Variants in CDHR5 observed in about 807,000 individuals in gnomAD.
The protein encoded by CDHR5 is cadherin related family member 5, also known as cadherin-related family member 5.
In CDHR5, 82 loss-of-function variants were observed where a neutral mutation model predicts 69.5. The observed-to-expected ratio is 1.18, with a 90% CI of 0.99 to 1.42. CDHR5 has a LOEUF of 1.42. Ranked by LOEUF, CDHR5 falls within the 40% of genes most tolerant of loss-of-function variation. The pLI is 0.00. For synonymous variants in CDHR5, 601 were observed against 510.2 expected (o/e 1.18, Z -2.40); for missense variants, 1,293 against 1,168.9 (o/e 1.11, Z -1.55).
Position 619,361 on chromosome 11 carries a change from G to T in CDHR5, c.1323C>A (p.Gly441=). 6.2e-7 allele frequency: 1 copy of T among 1,613,698 alleles called. No homozygotes were observed. Reference sequence around the variant, plus strand: ...GTATCTCAATGACTGTGGTTGCGGTGCCAGAGGTCACCGTGTTGTGGGCCT... The same window carrying T: ...GTATCTCAATGACTGTGGTTGCGGTTCCAGAGGTCACCGTGTTGTGGGCCT... ...EVEAHNTVTS[G]TATTVIEIQV... The change falls in exon 12 of 15, where the codon GGC becomes GGA. Residue 441 remains glycine (G), a synonymous_variant. Coordinates refer to ENST00000397542, the MANE Select transcript of CDHR5 (RefSeq NM_021924.5).
Position 617,667 on chromosome 11 carries a change from G to A in CDHR5, c.2222C>T (p.Ala741Val). The A allele has an allele frequency of 6.7e-7, 1 of 1,501,184 alleles. No homozygotes were observed. The highest frequency in any genetic ancestry group is 8.8e-7 in the Non-Finnish European group (1 of 1,130,096). The allele number at this position is 1,501,184 out of a possible 1,614,324, so 93.0% of individuals were successfully genotyped here. The change falls in exon 15 of 15, where the codon GCA (alanine) becomes GTA (valine). Residue 741 changes from alanine to valine, a missense_variant. Coordinates refer to ENST00000397542, the MANE Select transcript of CDHR5 (RefSeq NM_021924.5). ...SPTHDPKPAEAPMPAEPAPPG... is the reference protein window; with the variant it reads ...SPTHDPKPAEVPMPAEPAPPG... ...GGGTGCGGGCTCTGCGGGCATCGGT[G>A]CCTCCGCGGGCTTGGGGTCGTGCGT...
At chr11:622,230 G>A (rs533893347) in intron 3 of CDHR5, among the ~76,000 whole-genome samples, 12 of 152,370 alleles carry the variant, frequency 7.9e-5, no homozygotes, top group East Asian at 1.9e-4. Context: ...AGCTCTAGGC[G>A]TTGGGATTCA....
Position 617,680 on chromosome 11 carries a change from T to C in CDHR5, c.2209A>G (p.Lys737Glu). 1.3e-6 allele frequency: 2 copies of C among 1,483,240 alleles called. No homozygotes were observed. Among genetic ancestry groups the C allele is most frequent in the Non-Finnish European group, 1.8e-6 (2 of 1,123,186 alleles). 91.9% of individuals were successfully genotyped at this position (1,483,240 alleles called of 1,614,324 possible). ...GCGGGCATCGGTGCCTCCGCGGGCT[T>C]GGGGTCGTGCGTGGGGCTGGGGACG... ...APVPSPTHDP[K>E]PAEAPMPAEP... The change falls in exon 15 of 15, where the codon AAG (lysine) becomes GAG (glutamate). Residue 737 changes from lysine (K) to glutamate (E), a missense_variant. Transcript: ENST00000397542.
chr11:620,974 C>T (rs991036243), intron 7 of CDHR5, 106 bp downstream of exon 7: 1 of 732,494 alleles, frequency 1.4e-6, no homozygotes, highest in Admixed American at 3.3e-5. Flanking sequence ...AAATCGGCCC[C>T]ACCCCCTGAC....
intron 13 of CDHR5, among the ~76,000 whole-genome samples, 181 bp from the exon 14 acceptor site, chr11:618,292 A>C: frequency 6.6e-6 from 1 of 151,022 alleles, no homozygotes; most frequent in Non-Finnish European, 1.5e-5. Flanking sequence ...GACCCTGCCC[A>C]CCCCCTCCCC....
At position 621,795 on chromosome 11, in the gene CDHR5, G is replaced by A. The variant is rs12801890; in HGVS notation, c.405+17C>T. ...CCACACCCCCGTGCCCAGTCCCCGCGGCTTCGCTGGCCTCACCTCCTCCAC... is the reference window on the plus strand; with the variant it reads ...CCACACCCCCGTGCCCAGTCCCCGCAGCTTCGCTGGCCTCACCTCCTCCAC... On this transcript the variant is annotated intron_variant, in intron 4 of 14. Coordinates refer to ENST00000397542, the MANE Select transcript of CDHR5 (RefSeq NM_021924.5). This position sits in a 1 kb window ranked among gnomAD's most constrained non-coding sequence, Gnocchi z 4.4. 353,637 of 1,607,344 alleles carry A rather than the reference G, an allele frequency of 0.22. 41,161 individuals carry two copies. The highest frequency in any genetic ancestry group is 0.29 in the African/African-American group (21,945 of 74,800).
At position 619,364 on chromosome 11, in the gene CDHR5, A is replaced by G. The variant is rs1431010320; in HGVS notation, c.1320T>C (p.Ser440=). Reference sequence around the variant, plus strand: ...TCTCAATGACTGTGGTTGCGGTGCCAGAGGTCACCGTGTTGTGGGCCTCAA... The same window carrying G: ...TCTCAATGACTGTGGTTGCGGTGCCGGAGGTCACCGTGTTGTGGGCCTCAA... ...AEVEAHNTVT[S]GTATTVIEIQ... is the part of the protein sequence containing the mutation. Residue 440 remains serine, a synonymous_variant, in exon 12 of 15, where the codon TCT becomes TCC. Transcript: ENST00000397542. The G allele has an allele frequency of 6.2e-7, 1 of 1,613,628 alleles. No individual in the cohort carries two copies. The highest frequency in any genetic ancestry group is 8.5e-7 in the Non-Finnish European group (1 of 1,179,814).
Position 619,768 on chromosome 11 carries a change from CGCCACGGT to C in CDHR5, c.1084_1091del (p.Thr362AlafsTer69), listed in dbSNP as rs768179195. On this transcript the variant is annotated frameshift_variant, in exon 10 of 15. Transcript: ENST00000397542. LOFTEE classifies it high-confidence loss of function. ...CCACAACGCCCGCTCCAGCGCCACG[CGCCACGGT>C]GCCACGATACAGTCTCTGGGGGAAG... The C allele has an allele frequency of 6.2e-7, 1 of 1,610,986 alleles. No individual in the cohort carries two copies. The highest frequency in any genetic ancestry group is 8.5e-7 in the Non-Finnish European group (1 of 1,179,856).
chr11:620,035 T>C (rs1355374127), intron 9 of CDHR5, 32 bp downstream of exon 9: 1 of 1,066,920 alleles, frequency 9.4e-7, no homozygotes, highest in South Asian at 1.3e-5. Flanking sequence ...CTTCCCCCTC[T>C]GCCCTGCCCC....
At position 617,518 on chromosome 11, in the gene CDHR5, C is replaced by G. The variant is rs1374650291; in HGVS notation, c.2371G>C (p.Val791Leu). The G allele has an allele frequency of 1.2e-6, 2 of 1,612,568 alleles. No homozygotes were observed. The highest frequency in any genetic ancestry group is 2.7e-5 in the African/African-American group (2 of 74,916). ...ERRPEGGYKA[V>L]WFGEDIGTEA... ...GTCCCGATGTCCTCGCCAAACCAGACAGCCTTGTACCCGCCCTCCGGCCGC... is the reference window on the plus strand; with the variant it reads ...GTCCCGATGTCCTCGCCAAACCAGAGAGCCTTGTACCCGCCCTCCGGCCGC... The change falls in exon 15 of 15, where the codon GTC (valine) becomes CTC (leucine). Residue 791 changes from valine to leucine, a missense_variant. Coordinates refer to ENST00000397542, the MANE Select transcript of CDHR5 (RefSeq NM_021924.5).
intron 13 of CDHR5, among the ~76,000 whole-genome samples, 168 bp from the exon 14 acceptor site, chr11:618,279 C>T (rs376109997): frequency 3.3e-4 from 50 of 152,320 alleles, no homozygotes; most frequent in African/African-American, 1.0e-3. Context: ...TGTGTCCCAT[C>T]GAGACCCTGC....
At chr11:622,044 C>T (rs61879160) in intron 3 of CDHR5, 140 bp from the exon 4 acceptor site, 69,416 of 639,614 alleles carry the variant, frequency 0.11, 4,800 homozygotes, top group Admixed American at 0.17. Flanking sequence ...GTGCACCCCT[C>T]GACGGCCACC....
At position 620,132 on chromosome 11, in the gene CDHR5, C is replaced by G. The variant is rs779477988; in HGVS notation, c.913G>C (p.Asp305His). ...CTGGCCACGGTGAGGTTGCCCGAGTCTGGGTGGATGATGAATGTACCATTC... is the reference window on the plus strand; with the variant it reads ...CTGGCCACGGTGAGGTTGCCCGAGTGTGGGTGGATGATGAATGTACCATTC... The part of the protein sequence containing the change: ...NVNGTFIIHP[D>H]SGNLTVARSV... The change falls in exon 9 of 15, where the codon GAC becomes CAC. Residue 305 changes from aspartate to histidine, a missense_variant. Coordinates refer to ENST00000397542, the MANE Select transcript of CDHR5 (RefSeq NM_021924.5). The G allele has an allele frequency of 1.2e-5, 19 of 1,613,654 alleles. 1 individual carries two copies. The South Asian group carries it at 2.0e-4, about 17-fold the overall frequency.
intron 7 of CDHR5, among the ~76,000 whole-genome samples, chr11:620,806 G>A (rs1409305194): frequency 1.3e-5 from 2 of 152,108 alleles, no homozygotes; most frequent in Non-Finnish European, 1.5e-5. Context: ...CATCCCTTAA[G>A]AGCTCCAGGG....
At position 617,548 on chromosome 11, in the gene CDHR5, C is replaced by G; in HGVS notation, c.2341G>C (p.Glu781Gln). ...TTGTACCCGCCCTCCGGCCGCCGCT[C>G]CTTGGTCAGGATGGACCTCACCGCC... is the stretch of plus-strand genomic sequence containing the variant. ...PTAVRSILTK[E>Q]RRPEGGYKAV... The change falls in exon 15 of 15, where the codon GAG (glutamate) becomes CAG (glutamine). Residue 781 changes from glutamate to glutamine, a missense_variant. Physicochemically the swap from Glu to Gln is conservative, Grantham distance 29. Transcript: ENST00000397542. The G allele has an allele frequency of 3.1e-6, 5 of 1,612,366 alleles. No individual in the cohort carries two copies. Among genetic ancestry groups the G allele is most frequent in the Non-Finnish European group, 4.2e-6 (5 of 1,179,658 alleles).
At chr11:618,518 TG>T (rs1857124298) in intron 13 of CDHR5, 80 bp downstream of exon 13, 2 of 1,526,526 alleles carry the variant, frequency 1.3e-6, no homozygotes, top group African/African-American at 1.4e-5. Context: ...CAGGTCAGCC[TG>T]GGGTGGACCC....
Position 616,814 on chromosome 11 carries a change from C to T in CDHR5, c.*537G>A, listed in dbSNP as rs372626335. Reference sequence around the variant, plus strand: ...TCACTGGGCAGGGTGTTTACTGCTGCGCTCCAACCCAAGCATGTAGATTTC... The same window carrying T: ...TCACTGGGCAGGGTGTTTACTGCTGTGCTCCAACCCAAGCATGTAGATTTC... On this transcript the variant is annotated 3_prime_UTR_variant, in exon 15 of 15. Coordinates refer to ENST00000397542, the MANE Select transcript of CDHR5 (RefSeq NM_021924.5). The T allele has an allele frequency of 4.3e-5, 7 of 164,186 alleles. No homozygotes were observed. The highest frequency in any genetic ancestry group is 1.2e-4 in the African/African-American group (5 of 41,698). The allele number at this position is 164,186 out of a possible 1,614,324, so 10.2% of individuals were successfully genotyped here.
chr11:616,969 G>A lies in CDHR5; in HGVS notation c.*382C>T. ...GTAGGGTCGGGAGCGGGAGGTCTGA[G>A]ATGAGCCGGGTGCCTGAGATCTCCG... On this transcript the variant is annotated 3_prime_UTR_variant, in exon 15 of 15. Coordinates refer to ENST00000397542, the MANE Select transcript of CDHR5 (RefSeq NM_021924.5). 7 of 250,970 alleles carry A rather than the reference G, an allele frequency of 2.8e-5. No homozygotes were observed. Among genetic ancestry groups the A allele is most frequent in the South Asian group, 7.8e-5 (1 of 12,844 alleles). 15.5% of individuals were successfully genotyped at this position (250,970 alleles called of 1,614,324 possible). A position where few individuals can be genotyped will look rare whatever the true frequency, so the allele number is the denominator to read the frequency against.
rs767557889 is a variant in CDHR5 at position 621,190 on chromosome 11, C to T, written c.679G>A (p.Val227Met). ...GGGGGCCGCAGGTCGGCGGGCACCA[C>T]GTTCAGCACTAGTGTGGCGGTGGCA... ...HTATATLVLN[V>M]VPADLRPPWF... The change falls in exon 7 of 15, where the codon GTG (valine) becomes ATG (methionine). Residue 227 changes from valine to methionine, a missense_variant. Transcript: ENST00000397542. The surrounding 1 kb of genome is among the most constrained non-coding windows in gnomAD (Gnocchi z 4.4). 2.8e-5 allele frequency: 45 copies of T among 1,605,390 alleles called. No homozygotes were observed. Among genetic ancestry groups the T allele is most frequent in the Non-Finnish European group, 3.4e-5 (40 of 1,175,630 alleles).
Sources: gnomAD v4.1 joint callset for allele counts (sites outside exome capture counted in the v4.1 genomes callset) on GRCh38, gnomAD v4.1.1 for gene constraint, Gnocchi (gnomAD v3.1) non-coding constraint, MANE v1.5 for transcripts, NCBI Gene and HGNC (gene_info 2026-07-23, HGNC 2026-07-21) for gene names.